Variants in MTMR1 observed in about 807,000 individuals in gnomAD.
The protein encoded by MTMR1 is myotubularin related protein 1.
MTMR1 carries 17 observed loss-of-function variants against 51.6 expected under a neutral mutation model. That is an observed-to-expected ratio of 0.33 (90% confidence interval 0.23 to 0.49). The LOEUF (loss-of-function observed/expected upper bound fraction) is 0.49. Among genes scored for constraint, MTMR1 ranks in the 20% least tolerant of loss-of-function variants. The pLI, the probability that MTMR1 is intolerant of heterozygous loss-of-function variation, is 0.99. For missense variants in MTMR1, 386 were observed against 526.9 expected (o/e 0.73, Z 2.62); for synonymous variants, 201 against 205.6 (o/e 0.98, Z 0.19).
intron 10 of MTMR1, chrX:150,735,552 C>G: frequency 2.1e-6 from 1 of 470,302 alleles, no homozygotes. Flanking sequence ...TCATCTCTTA[C>G]CTCACCTACA....
At chrX:150,718,870 A>G (rs1372173390) in intron 4 of MTMR1, among the ~76,000 whole-genome samples, 170 bp downstream of exon 4, 1 of 110,243 alleles carries the variant, frequency 9.1e-6, no homozygotes, top group Non-Finnish European at 1.9e-5. Context: ...TAAGAGATAG[A>G]AGACTGCAGA....
At chrX:150,704,270 G>T (rs1557416011) in intron 2 of MTMR1, among the ~76,000 whole-genome samples, 6 of 111,290 alleles carry the variant, frequency 5.4e-5, no homozygotes, top group Admixed American at 4.8e-4. Flanking sequence ...ACTCTGTCTA[G>T]CCAGAGGACC....
Position 150,754,420 on chromosome X carries a change from G to A in MTMR1, c.1681-1269G>A, listed in dbSNP as rs549446626. 1.2e-4 allele frequency among the ~76,000 whole-genome samples: 14 copies of A among 112,762 alleles called. No homozygotes were observed. In the South Asian group the frequency reaches 4.3e-3, roughly 35 times the overall value. On this transcript the variant is annotated intron_variant, in intron 14 of 15. Transcript: ENST00000445323. ...GCTCATGGGAAGTCAGCAGCAGAGTGGGAGAAAATGCTGTTGGCCTTGCCG... is the reference window on the plus strand; with the variant it reads ...GCTCATGGGAAGTCAGCAGCAGAGTAGGAGAAAATGCTGTTGGCCTTGCCG...
intron 2 of MTMR1, among the ~76,000 whole-genome samples, chrX:150,711,648 G>A: frequency 8.9e-6 from 1 of 112,329 alleles, no homozygotes; most frequent in East Asian, 2.8e-4. Flanking sequence ...GCTGAATAAA[G>A]CTGGGCTTTC....
At chrX:150,717,907 C>A (rs781785446) in intron 3 of MTMR1, among the ~76,000 whole-genome samples, 2 of 113,038 alleles carry the variant, frequency 1.8e-5, no homozygotes, top group South Asian at 7.3e-4. Flanking sequence ...TGAGACATGC[C>A]TGACGAAAAC....
intron 13 of MTMR1, among the ~76,000 whole-genome samples, chrX:150,748,363 A>C (rs782564441): frequency 8.9e-6 from 1 of 112,086 alleles, no homozygotes; most frequent in East Asian, 2.8e-4. Context: ...TGGATCTTTC[A>C]TTCCTATCCT....
intron 4 of MTMR1, among the ~76,000 whole-genome samples, chrX:150,723,964 A>G (rs1217965741): frequency 8.9e-6 from 1 of 112,117 alleles, no homozygotes; most frequent in African/African-American, 3.2e-5. Flanking sequence ...ACCATATTTT[A>G]TTTATCCAAT....
chrX:150,724,744 A>G (rs1422807320), intron 4 of MTMR1, among the ~76,000 whole-genome samples: 3 of 112,193 alleles, frequency 2.7e-5, no homozygotes, highest in African/African-American at 9.7e-5. Flanking sequence ...TCTCTAATCC[A>G]TCTTGAATTG....
At chrX:150,747,217 G>A (rs1557417477) in intron 13 of MTMR1, among the ~76,000 whole-genome samples, 1 of 110,822 alleles carries the variant, frequency 9.0e-6, no homozygotes, top group African/African-American at 3.3e-5. Flanking sequence ...AGGAGGCTGA[G>A]GTAGAAGGAT....
chrX:150,696,931 C>T (rs1336531382), intron 1 of MTMR1, among the ~76,000 whole-genome samples: 4 of 111,406 alleles, frequency 3.6e-5, no homozygotes, highest in Non-Finnish European at 5.7e-5. Flanking sequence ...CCGCTTTCCC[C>T]CACAGAAGCC....
intron 3 of MTMR1, chrX:150,712,582 C>T (rs1178612979): frequency 1.8e-5 from 7 of 384,105 alleles, no homozygotes; most frequent in Admixed American, 5.1e-5. Flanking sequence ...TGTGTGAGGG[C>T]GGGATGCTAA....
intron 1 of MTMR1, among the ~76,000 whole-genome samples, chrX:150,698,420 T>A (rs2040759709): frequency 1.8e-5 from 2 of 112,109 alleles, no homozygotes; most frequent in South Asian, 7.4e-4. Flanking sequence ...AAATCTCATG[T>A]TCAGCTTTAC....
intron 1 of MTMR1, among the ~76,000 whole-genome samples, chrX:150,697,444 A>G (rs1569565608): frequency 9.2e-6 from 1 of 108,733 alleles, no homozygotes; most frequent in East Asian, 2.9e-4. Context: ...TAGTGATATG[A>G]TTTTTTTTTT....
At chrX:150,717,357 CAAAAAAAAAA>C (rs35558897) in intron 3 of MTMR1, among the ~76,000 whole-genome samples, 19 of 42,750 alleles carry the variant, frequency 4.4e-4, no homozygotes, top group African/African-American at 1.7e-3. Flanking sequence ...GACTCCATCT[CAAAAAAAAAA>C]AAAAAAAAAA....
chrX:150,758,566 G>C (rs782298961), intron 15 of MTMR1, among the ~76,000 whole-genome samples: 3 of 111,663 alleles, frequency 2.7e-5, no homozygotes, highest in African/African-American at 9.8e-5. Flanking sequence ...GGCCGAGGTG[G>C]GCAGATCACG....
chrX:150,753,787 T>A, intron 14 of MTMR1, among the ~76,000 whole-genome samples: 1 of 112,395 alleles, frequency 8.9e-6, no homozygotes, highest in East Asian at 2.8e-4. Context: ...TTTTACTTTC[T>A]TCATGGTGTT....
intron 4 of MTMR1, among the ~76,000 whole-genome samples, chrX:150,725,282 T>A (rs1239719433): frequency 3.6e-5 from 4 of 111,819 alleles, no homozygotes; most frequent in African/African-American, 1.3e-4. Flanking sequence ...GTACAGATCT[T>A]TCACCTCCCT....
Position 150,732,809 on chromosome X carries a change from C to G in MTMR1, c.1080+79C>G, listed in dbSNP as rs138552395. 3.2e-3 allele frequency: 3,029 copies of G among 934,335 alleles called. 5 individuals are homozygous for G. Among genetic ancestry groups the G allele is most frequent in the South Asian group, 7.7e-3 (298 of 38,522 alleles). The allele number at this position is 934,335 out of a possible 1,213,427, so 77.0% of individuals were successfully genotyped here. ...AAATCATTATGCAGTTGGAATAACT[C>G]ATTGATTTCCTCACCACCTGAAGTT... is the stretch of plus-strand genomic sequence containing the variant. On this transcript the variant is annotated intron_variant, in intron 10 of 15. Transcript: ENST00000445323.
Position 150,693,423 on chromosome X carries a change from G to A in MTMR1, c.-108G>A. 1.3e-6 allele frequency: 1 copy of A among 748,394 alleles called. No homozygotes were observed. The highest frequency in any genetic ancestry group is 1.6e-6 in the Non-Finnish European group (1 of 634,269). 61.7% of individuals were successfully genotyped at this position (748,394 alleles called of 1,213,427 possible). ...CAGCTAATGGCGGCGGCCGCCTGAG[G>A]CGGGCGGGCGGTATAGAGCGGGCGG... On this transcript the variant is annotated 5_prime_UTR_variant, in exon 1 of 16. Coordinates refer to ENST00000445323, the MANE Select transcript of MTMR1 (RefSeq NM_001306144.3).
Sources: allele counts gnomAD v4.1 joint callset (sites outside exome capture counted in the v4.1 genomes callset), GRCh38; gene constraint gnomAD v4.1.1; transcripts MANE v1.5; gene names NCBI Gene and HGNC (gene_info 2026-07-23, HGNC 2026-07-21).